The following LAMA3 variants were observed in gnomAD, a reference collection of about 807,000 sequenced individuals.
LAMA3 encodes laminin subunit alpha 3, also known as laminin subunit alpha-3.
A neutral mutation model predicts 402.0 loss-of-function variants in LAMA3; 281 were observed. That is an observed-to-expected ratio of 0.70 (90% CI 0.63 to 0.77). The LOEUF (loss-of-function observed/expected upper bound fraction) is 0.77, where lower values mean the gene tolerates loss of function less well. Ranked by LOEUF, LAMA3 falls within the 30% of genes least tolerant of loss-of-function variation. LAMA3 has a pLI of 0.00. For missense variants in LAMA3, 3,840 were observed against 4,215.5 expected (o/e 0.91, Z 2.47); for synonymous variants, 1,431 against 1,558.4 (o/e 0.92, Z 1.93).
At position 23,837,090 on chromosome 18, in the gene LAMA3, G is replaced by C. The variant is rs1392528129; in HGVS notation, c.3093+1G>C. On this transcript the variant is annotated splice_donor_variant, in intron 25 of 74. Coordinates refer to ENST00000313654, the MANE Select transcript of LAMA3 (RefSeq NM_198129.4). LOFTEE classifies it high-confidence loss of function. ...GGGACACATGGCCCGATTCCTTCTG[G>C]TATGCTTCTGTTTTGCCCATTGAAT... The C allele has an allele frequency of 6.3e-7, 1 of 1,591,288 alleles. No homozygotes were observed. Among genetic ancestry groups the C allele is most frequent in the Non-Finnish European group, 8.6e-7 (1 of 1,159,672 alleles).
chr18:23,813,553 C>CTTTTTTTTTTTT (rs1164123647), intron 14 of LAMA3, among the ~76,000 whole-genome samples: 28 of 115,002 alleles, frequency 2.4e-4, no homozygotes, highest in East Asian at 5.5e-4. Flanking sequence ...TCTTTTCTTT[C>CTTTTTTTTTTTT]TTTTTTTTTT....
In LAMA3 at chr18:23,690,776, A is replaced by AT. The variant is rs34003789; in HGVS notation, c.294+817dup. Among the ~76,000 whole-genome samples, 769 of 128,096 alleles carry AT rather than the reference A, an allele frequency of 6.0e-3. 27 individuals are homozygous for AT. Among genetic ancestry groups the AT allele is most frequent in the Admixed American group, 0.042 (535 of 12,692 alleles). 84.0% of individuals were successfully genotyped at this position (128,096 alleles called of 152,430 possible). A position where few individuals can be genotyped will look rare whatever the true frequency, so the allele number is the denominator to read the frequency against. ...CAGGCGTGCCCCCCCGTGCCTGGCA[A>AT]TTTTTTTTTTTTTTTTTTGAGACAG... On this transcript the variant is annotated intron_variant, in intron 1 of 74. Coordinates refer to ENST00000313654, the MANE Select transcript of LAMA3 (RefSeq NM_198129.4).
At chr18:23,881,901 G>A (rs748000909) in intron 39 of LAMA3, 35 bp from the exon 40 acceptor site, 25 of 1,333,008 alleles carry the variant, frequency 1.9e-5, no homozygotes, top group Non-Finnish European at 2.6e-5. Flanking sequence ...GGACTGTACT[G>A]GCTGCTGTGA....
chr18:23,882,688 C>G (rs2064941137), intron 40 of LAMA3, among the ~76,000 whole-genome samples: 1 of 151,552 alleles, frequency 6.6e-6, no homozygotes, highest in African/African-American at 2.4e-5. Context: ...TCCCTCTTTT[C>G]TTTTACTGTT....
chr18:23,899,292 T>C lies in LAMA3; in HGVS notation c.5841T>C (p.Leu1947=). The C allele has an allele frequency of 1.2e-6, 2 of 1,614,006 alleles. No homozygotes were observed. The highest frequency in any genetic ancestry group is 1.7e-6 in the Non-Finnish European group (2 of 1,179,936). Residue 1947 remains leucine (L), a synonymous_variant, in exon 47 of 75, where the codon CTT becomes CTC. Coordinates refer to ENST00000313654, the MANE Select transcript of LAMA3 (RefSeq NM_198129.4). Reference sequence around the variant, plus strand: ...AGACCACTTGATGTTTCCTAGTTCTTTTAAAGCAGATCTCTGGGACAGATG... The same window carrying C: ...AGACCACTTGATGTTTCCTAGTTCTCTTAAAGCAGATCTCTGGGACAGATG... ...IKNVIRNVHI[L]LKQISGTDGE...
chr18:23,899,669 G>C, intron 47 of LAMA3: 2 of 390,352 alleles, frequency 5.1e-6, no homozygotes, highest in Non-Finnish European at 9.2e-6. Context: ...ATCATGCAAA[G>C]AAAAAAAAAA....
intron 33 of LAMA3, among the ~76,000 whole-genome samples, 179 bp from the exon 34 acceptor site, chr18:23,858,510 G>T (rs867252437): frequency 1.3e-4 from 20 of 152,268 alleles, no homozygotes; most frequent in Admixed American, 3.3e-4. Flanking sequence ...TTTGTGTGTG[G>T]TATAAAAGTT....
chr18:23,726,063 T>C (rs1326899639), intron 2 of LAMA3, among the ~76,000 whole-genome samples: 1 of 152,240 alleles, frequency 6.6e-6, no homozygotes, highest in Admixed American at 6.5e-5. Context: ...TCATCCTTGC[T>C]GGGCAGACTC....
chr18:23,746,711 G>A (rs1414262178), intron 2 of LAMA3, among the ~76,000 whole-genome samples: 1 of 151,628 alleles, frequency 6.6e-6, no homozygotes, highest in African/African-American at 2.4e-5. Flanking sequence ...TTTTAATATG[G>A]TGCACATCAA....
intron 63 of LAMA3, 95 bp from the exon 64 acceptor site, chr18:23,928,530 T>G (rs1009206693): frequency 1.3e-5 from 16 of 1,187,568 alleles, no homozygotes; most frequent in Admixed American, 1.2e-4. Flanking sequence ...TAAATCACAT[T>G]AATCAGTTTG....
intron 55 of LAMA3, among the ~76,000 whole-genome samples, chr18:23,912,500 T>C (rs1032647652): frequency 1.3e-5 from 2 of 152,178 alleles, no homozygotes; most frequent in Non-Finnish European, 2.9e-5. Flanking sequence ...ACAAATGCCT[T>C]ATGACACAGC....
intron 3 of LAMA3, 104 bp downstream of exon 3, chr18:23,748,164 C>A: frequency 1.2e-6 from 1 of 828,798 alleles, no homozygotes; most frequent in Non-Finnish European, 2.1e-6. Context: ...TGTGGTGGCT[C>A]ACCCCTATAA....
At chr18:23,773,396 A>G (rs1272612812) in intron 8 of LAMA3, 101 bp from the exon 9 acceptor site, 1 of 799,346 alleles carries the variant, frequency 1.3e-6, no homozygotes, top group Non-Finnish European at 2.1e-6. Flanking sequence ...TCAAAATTAC[A>G]ATTGTATATG....
At position 23,846,067 on chromosome 18, in the gene LAMA3, G is replaced by C. The variant is rs73398344; in HGVS notation, c.3720-230G>C. Among the ~76,000 whole-genome samples the C allele has an allele frequency of 0.037, 5,579 of 152,136 alleles. 329 individuals carry two copies. The highest frequency in any genetic ancestry group is 0.13 in the African/African-American group (5,313 of 41,450). ...TACTCTTTTATCCCAGCTGTGCAAG[G>C]TTCCCGCTGACCTGTTCTGTGATGT... is the stretch of plus-strand genomic sequence containing the variant. On this transcript the variant is annotated intron_variant, in intron 30 of 74. Transcript: ENST00000313654.
At chr18:23,856,201 A>G (rs1048637557) in intron 32 of LAMA3, among the ~76,000 whole-genome samples, 1 of 152,232 alleles carries the variant, frequency 6.6e-6, no homozygotes, top group African/African-American at 2.4e-5. Context: ...GTTCTTAATC[A>G]CATACAAAAT....
intron 18 of LAMA3, among the ~76,000 whole-genome samples, chr18:23,818,290 C>G (rs1195029848): frequency 6.6e-6 from 1 of 152,350 alleles, no homozygotes; most frequent in East Asian, 1.9e-4. Context: ...TGATTTTCAG[C>G]ATAAAATAAT....
chr18:23,916,417 T>G (rs2081622344), intron 59 of LAMA3, 134 bp from the exon 60 acceptor site: 1 of 1,021,912 alleles, frequency 9.8e-7, no homozygotes, highest in Admixed American at 1.7e-5. Context: ...CTCCTCTGCT[T>G]TAACAAAATT....
At chr18:23,705,905 G>A (rs538861435) in intron 1 of LAMA3, among the ~76,000 whole-genome samples, 1 of 152,302 alleles carries the variant, frequency 6.6e-6, no homozygotes, top group South Asian at 2.1e-4. Flanking sequence ...ATGTCTAAAT[G>A]TATGGTCTGC....
At chr18:23,807,628 C>A (rs2062988934) in intron 12 of LAMA3, among the ~76,000 whole-genome samples, 1 of 152,070 alleles carries the variant, frequency 6.6e-6, no homozygotes, top group African/African-American at 2.4e-5. Flanking sequence ...GATTTTGCAT[C>A]TTGAGTCCAA....
Sources: gnomAD v4.1 joint callset for allele counts (sites outside exome capture counted in the v4.1 genomes callset) on GRCh38, gnomAD v4.1.1 for gene constraint, MANE v1.5 for transcripts, NCBI Gene and HGNC (gene_info 2026-07-23, HGNC 2026-07-21) for gene names.